Variants in UACA observed in about 807,000 individuals in gnomAD.
UACA encodes nuclear membrane binding protein.
UACA carries 112 observed loss-of-function variants against 160.5 expected under a neutral mutation model. The observed-to-expected ratio is 0.70, with a 90% confidence interval of 0.60 to 0.82. UACA has a LOEUF of 0.82. Ranked by LOEUF, UACA falls within the 40% of genes least tolerant of loss-of-function variation. The probability of loss-of-function intolerance (pLI) is 0.00; values close to 1 mark genes in which losing one functional copy is unlikely to be tolerated. For synonymous variants in UACA, 557 were observed against 568.4 expected, an observed-to-expected ratio of 0.98 and a Z score of 0.29; for missense variants, 1,574 against 1,614.6, an observed-to-expected ratio of 0.97 and a Z score of 0.43.
chr15:70,723,491 A>T (rs1899053138), intron 1 of UACA, among the ~76,000 whole-genome samples: 1 of 151,896 alleles, frequency 6.6e-6, no homozygotes, highest in African/African-American at 2.4e-5. Flanking sequence ...TGAAATGGGT[A>T]CTCTCCCTCT....
intron 2 of UACA, among the ~76,000 whole-genome samples, chr15:70,697,836 A>G (rs1898185826): frequency 6.6e-6 from 1 of 152,146 alleles, no homozygotes; most frequent in Non-Finnish European, 1.5e-5. Context: ...ACATCACCAG[A>G]GGTCGGGAGT....
In UACA at chr15:70,763,501, C is replaced by G. The variant is rs1404315138; in HGVS notation, c.-94G>C. ...GGCAGCGGCTGCAGCAGAGGCGGCG[C>G]GGGCTGTACCAGCCCCACCTGCCTG... On this transcript the variant is annotated 5_prime_UTR_variant, in exon 1 of 19. Coordinates refer to ENST00000322954, the MANE Select transcript of UACA (RefSeq NM_018003.4). 14 of 1,255,948 alleles carry G rather than the reference C, an allele frequency of 1.1e-5. No homozygotes were observed. The highest frequency in any genetic ancestry group is 1.4e-5 in the Non-Finnish European group (14 of 993,982). 77.8% of individuals were successfully genotyped at this position (1,255,948 alleles called of 1,614,324 possible).
chr15:70,706,403 T>C (rs908512534), intron 1 of UACA, among the ~76,000 whole-genome samples: 9 of 150,624 alleles, frequency 6.0e-5, no homozygotes, highest in Non-Finnish European at 1.2e-4. Context: ...TCTATTAGCA[T>C]AGAACTGGAA....
chr15:70,672,780 G>A (rs575889073), intron 13 of UACA, among the ~76,000 whole-genome samples: 1 of 152,172 alleles, frequency 6.6e-6, no homozygotes, highest in Non-Finnish European at 1.5e-5. Flanking sequence ...GCAACGTGGT[G>A]AGACCTCGTC....
chr15:70,709,200 G>T (rs1252958671), intron 1 of UACA, among the ~76,000 whole-genome samples: 1 of 152,124 alleles, frequency 6.6e-6, no homozygotes, highest in Non-Finnish European at 1.5e-5. Context: ...TAAATTTTTT[G>T]AGTGGTATTA....
At chr15:70,675,826 A>G (rs988250998) in intron 13 of UACA, among the ~76,000 whole-genome samples, 6 of 152,118 alleles carry the variant, frequency 3.9e-5, no homozygotes, top group Middle Eastern at 3.2e-3. Context: ...TTGGAAACTG[A>G]TTAAGTCACG....
chr15:70,671,815 T>C, intron 14 of UACA, 150 bp downstream of exon 14: 1 of 470,800 alleles, frequency 2.1e-6, no homozygotes, highest in South Asian at 6.8e-5. Flanking sequence ...AATAGTCATC[T>C]TAACGTCTTC....
chr15:70,739,363 T>C (rs1899461262), intron 1 of UACA, among the ~76,000 whole-genome samples: 1 of 152,066 alleles, frequency 6.6e-6, no homozygotes, highest in South Asian at 2.1e-4. Flanking sequence ...ATACTAGCAA[T>C]ACTCCTCAAG....
chr15:70,744,287 A>AAGG (rs1021712683), intron 1 of UACA, among the ~76,000 whole-genome samples: 11 of 151,356 alleles, frequency 7.3e-5, no homozygotes, highest in African/African-American at 2.7e-4. Flanking sequence ...AACTAGGATG[A>AAGG]AGGATACAAA....
chr15:70,777,777 T>G, the UACA span, among the ~76,000 whole-genome samples: 1 of 152,140 alleles, frequency 6.6e-6, no homozygotes, highest in African/African-American at 2.4e-5. Context: ...GGAAAAGAAC[T>G]GGAGACTACA....
intron 1 of UACA, among the ~76,000 whole-genome samples, chr15:70,711,972 A>T (rs1898693483): frequency 6.6e-6 from 1 of 151,810 alleles, no homozygotes; most frequent in South Asian, 2.1e-4. Flanking sequence ...CTTTATATTC[A>T]TGATATATGT....
intron 1 of UACA, among the ~76,000 whole-genome samples, chr15:70,729,701 T>C (rs943246222): frequency 1.4e-5 from 2 of 142,438 alleles, no homozygotes; most frequent in Non-Finnish European, 3.0e-5. Context: ...GGTCTACAGC[T>C]CCCAGCGTGA....
chr15:70,748,118 T>A (rs758651111), intron 1 of UACA, among the ~76,000 whole-genome samples: 15 of 152,276 alleles, frequency 9.9e-5, no homozygotes, highest in Non-Finnish European at 2.2e-4. Context: ...TGGGGCAGTC[T>A]GCAAGGGGGC....
chr15:70,743,333 T>G (rs1426604216), intron 1 of UACA, among the ~76,000 whole-genome samples: 1 of 152,254 alleles, frequency 6.6e-6, no homozygotes, highest in Non-Finnish European at 1.5e-5. Context: ...TAATTACATC[T>G]GCAAAATGTC....
chr15:70,712,064 A>ATATATATATC (rs909386790), intron 1 of UACA, among the ~76,000 whole-genome samples: 6 of 145,464 alleles, frequency 4.1e-5, no homozygotes, highest in African/African-American at 1.7e-4. Context: ...ATATATATAT[A>ATATATATATC]TATCTCCATA....
At chr15:70,725,300 T>C (rs1051233316) in intron 1 of UACA, among the ~76,000 whole-genome samples, 4 of 152,192 alleles carry the variant, frequency 2.6e-5, no homozygotes, top group Non-Finnish European at 5.9e-5. Flanking sequence ...TCCTTGAGGA[T>C]CATCTTGTCC....
rs1479408864 is a variant in UACA, at chr15:70,707,269, C to CA, written c.79-7610dup. ...TTGGACCTTTATCTTACATCAGATGCAAAAAATGACTCAAAATTGATTGAA... is the reference window on the plus strand; with the variant it reads ...TTGGACCTTTATCTTACATCAGATGCAAAAAAATGACTCAAAATTGATTGAA... On this transcript the variant is annotated intron_variant, in intron 1 of 18. Transcript: ENST00000322954. Among the ~76,000 whole-genome samples the CA allele has an allele frequency of 2.0e-5, 3 of 152,004 alleles. No homozygotes were observed. In the East Asian group the frequency reaches 5.8e-4, roughly 29 times the overall value.
At chr15:70,683,265 A>G (rs373119955) in intron 8 of UACA, among the ~76,000 whole-genome samples, 86 of 152,272 alleles carry the variant, frequency 5.6e-4, no homozygotes, top group African/African-American at 2.0e-3. Context: ...AGGCTGAGGC[A>G]GGAAGATAAC....
upstream of UACA, among the ~76,000 whole-genome samples, chr15:70,766,979 A>G (rs112683793): frequency 0.18 from 27,539 of 151,980 alleles, 3,784 homozygotes; most frequent in African/African-American, 0.39. Flanking sequence ...AGTGGCTCAC[A>G]CCTGTAATCC....
Sources: gnomAD v4.1 joint callset for allele counts (sites outside exome capture counted in the v4.1 genomes callset) on GRCh38, gnomAD v4.1.1 for gene constraint, MANE v1.5 for transcripts, NCBI Gene and HGNC (gene_info 2026-07-23, HGNC 2026-07-21) for gene names.